The following HSD17B14 variants were observed in gnomAD, a reference collection of about 807,000 sequenced individuals.
HSD17B14 encodes the protein L-fucose dehydrogenase.
Under a neutral mutation model 32.2 loss-of-function variants are expected in HSD17B14, and 32 were observed. That is an observed-to-expected ratio of 0.99 (90% CI 0.75 to 1.33). The LOEUF is 1.33. Ranked by LOEUF, HSD17B14 falls within the 40% of genes most tolerant of loss-of-function variation. The probability of loss-of-function intolerance (pLI) is 0.00; values close to 1 mark genes in which losing one functional copy is unlikely to be tolerated. For missense variants in HSD17B14, 370 were observed against 366.5 expected (o/e 1.01, Z -0.08); for synonymous variants, 140 against 155.4 (o/e 0.90, Z 0.74).
At chr19:48,825,468 T>G (rs1244024316) in intron 5 of HSD17B14, among the ~76,000 whole-genome samples, 2 of 151,868 alleles carry the variant, frequency 1.3e-5, no homozygotes, top group African/African-American at 4.8e-5. Flanking sequence ...CCACCCTATC[T>G]GGCTAATTTT....
At chr19:48,833,379 G>A (rs2035381058) in intron 3 of HSD17B14, among the ~76,000 whole-genome samples, 1 of 152,124 alleles carries the variant, frequency 6.6e-6, no homozygotes, top group South Asian at 2.1e-4. Context: ...TAGGAACCCA[G>A]AAATAATGGA....
Position 48,813,076 on chromosome 19 carries a change from GGGCTT to G in HSD17B14, c.*94_*98del. On this transcript the variant is annotated 3_prime_UTR_variant, in exon 9 of 9. Coordinates refer to ENST00000263278, the MANE Select transcript of HSD17B14 (RefSeq NM_016246.3). Reference sequence around the variant, plus strand: ...AGGGTGACCCGGCACCTTGCTAACTGGGCTTAGAGTCTAAGGGCTTGGGGGCTGCA... The same window carrying G: ...AGGGTGACCCGGCACCTTGCTAACTGAGAGTCTAAGGGCTTGGGGGCTGCA... 1 of 714,716 alleles carries G rather than the reference GGGCTT, an allele frequency of 1.4e-6. No homozygotes were observed. The highest frequency in any genetic ancestry group is 2.7e-5 in the East Asian group (1 of 36,700). 44.3% of individuals were successfully genotyped at this position (714,716 alleles called of 1,614,324 possible).
intron 5 of HSD17B14, among the ~76,000 whole-genome samples, chr19:48,827,784 C>A (rs895936436): frequency 1.3e-5 from 2 of 151,636 alleles, no homozygotes; most frequent in African/African-American, 4.8e-5. Flanking sequence ...GTGATCCACC[C>A]GCCTTGGCAT....
chr19:48,821,235 G>A (rs982975221), intron 5 of HSD17B14, among the ~76,000 whole-genome samples: 7 of 151,708 alleles, frequency 4.6e-5, no homozygotes, highest in Middle Eastern at 3.2e-3. Context: ...GGATGGTCTC[G>A]ATCTCCCGAC....
At chr19:48,826,542 T>TATATATATATATATATATATACACAC in intron 5 of HSD17B14, among the ~76,000 whole-genome samples, 11 of 80,120 alleles carry the variant, frequency 1.4e-4, no homozygotes, top group Non-Finnish European at 1.4e-4. Flanking sequence ...TATATATATA[T>TATATATATATATATATATATACACAC]ACACACACAC....
chr19:48,836,215 A>C (rs752655994), intron 1 of HSD17B14, 109 bp downstream of exon 1: 14 of 1,155,912 alleles, frequency 1.2e-5, no homozygotes, highest in Non-Finnish European at 1.8e-5. Context: ...CTTTTATAAT[A>C]TCAGAATCCT....
In HSD17B14 at chr19:48,813,256, G is replaced by A. The variant is rs145732247; in HGVS notation, c.732C>T (p.Leu244=). 3.5e-5 allele frequency: 56 copies of A among 1,608,414 alleles called. No homozygotes were observed. In the African/African-American group the frequency reaches 5.5e-4, roughly 16 times the overall value. ...ACCCCAGCTCTGCACCCCCCGTCAC[G>A]AGCAGTTCAATGCCCGTGCAGAAGT... The part of the protein sequence containing the change: ...EANFCTGIEL[L]VTGGAELGYG... The change falls in exon 9 of 9, where the codon CTC becomes CTT. Residue 244 remains leucine, a synonymous_variant. Coordinates refer to ENST00000263278, the MANE Select transcript of HSD17B14 (RefSeq NM_016246.3).
intron 7 of HSD17B14, 46 bp downstream of exon 7, chr19:48,813,617 A>ACCCCAGTCC: frequency 6.2e-7 from 1 of 1,612,458 alleles, no homozygotes; most frequent in Non-Finnish European, 8.5e-7. Flanking sequence ...ACTCCCAGTC[A>ACCCCAGTCC]CCCCAGTCCC....
At chr19:48,835,528 G>A (rs896956594) in intron 2 of HSD17B14, among the ~76,000 whole-genome samples, 7 of 147,692 alleles carry the variant, frequency 4.7e-5, no homozygotes, top group Non-Finnish European at 1.0e-4. Context: ...TGGGGACTTG[G>A]ATTCCTGGGT....
In HSD17B14 at chr19:48,836,355, G is replaced by C; in HGVS notation, c.57C>G (p.Arg19=). The change falls in exon 1 of 9, where the codon CGC becomes CGG. Residue 19 remains arginine, a synonymous_variant. Coordinates refer to ENST00000263278, the MANE Select transcript of HSD17B14 (RefSeq NM_016246.3). ...GKVVVVTGGG[R]GIGAGIVRAF... ...CGCGCACGATCCCAGCTCCGATGCC[G>C]CGCCCGCCCCCGGTCACGACCACCA... The C allele has an allele frequency of 6.2e-7, 1 of 1,612,688 alleles. No individual in the cohort carries two copies.
intron 5 of HSD17B14, among the ~76,000 whole-genome samples, chr19:48,821,681 GTGA>G (rs143681175): frequency 0.22 from 33,792 of 151,618 alleles, 3,808 homozygotes; most frequent in Admixed American, 0.26. Context: ...GATGATGATG[GTGA>G]TGATGATAAT....
At chr19:48,831,042 C>T (rs1379807684) in intron 5 of HSD17B14, among the ~76,000 whole-genome samples, 2 of 151,840 alleles carry the variant, frequency 1.3e-5, no homozygotes, top group Non-Finnish European at 2.9e-5. Flanking sequence ...CGCTGTATTG[C>T]CCCAGCTGTC....
chr19:48,816,819 C>CTTTCTTTCTT (rs1555775912), intron 5 of HSD17B14, among the ~76,000 whole-genome samples: 1 of 86,918 alleles, frequency 1.2e-5, no homozygotes, highest in African/African-American at 4.8e-5. Context: ...TTCTTTCTTT[C>CTTTCTTTCTT]TTTCTTTTCT....
At chr19:48,813,757 G>T (rs545979572) in intron 6 of HSD17B14, 27 bp from the exon 7 acceptor site, 2 of 1,613,572 alleles carry the variant, frequency 1.2e-6, no homozygotes, top group African/African-American at 1.3e-5. Flanking sequence ...GGGGAAGAAA[G>T]TTCAGTCCCC....
chr19:48,813,670 C>G lies in HSD17B14; in HGVS notation c.535G>C (p.Val179Leu). 6.2e-7 allele frequency: 1 copy of G among 1,614,212 alleles called. No homozygotes were observed. The highest frequency in any genetic ancestry group is 8.5e-7 in the Non-Finnish European group (1 of 1,180,032). The change falls in exon 7 of 9, where the codon GTC (valine) becomes CTC (leucine). Residue 179 changes from valine (V) to leucine (L), a missense_variant. Val to Leu is a conservative substitution (Grantham distance 32, BLOSUM62 1). Coordinates refer to ENST00000263278, the MANE Select transcript of HSD17B14 (RefSeq NM_016246.3). ...ALDESPYGVR[V>L]NCISPGNIWT... ...CTGCTCAGAGCAGCTCACCAGTTGA[C>G]TCGGACACCATATGGACTTTCATCC...
At chr19:48,833,281 A>AG (rs1301603494) in intron 3 of HSD17B14, among the ~76,000 whole-genome samples, 2 of 151,538 alleles carry the variant, frequency 1.3e-5, no homozygotes, top group Non-Finnish European at 2.9e-5. Flanking sequence ...GGGGTGGGGC[A>AG]GGGGGGTGAC....
At chr19:48,821,134 T>A (rs1599831056) in intron 5 of HSD17B14, among the ~76,000 whole-genome samples, 1 of 151,470 alleles carries the variant, frequency 6.6e-6, no homozygotes, top group South Asian at 2.1e-4. Context: ...CATCTCAGCC[T>A]CCTGAGTAGG....
intron 2 of HSD17B14, among the ~76,000 whole-genome samples, chr19:48,835,373 GA>G (rs2035470442): frequency 1.6e-5 from 2 of 122,778 alleles, no homozygotes; most frequent in East Asian, 3.0e-4. Context: ...AGGAGGGGCT[GA>G]GGTCTGGACT....
chr19:48,822,305 G>C (rs1171620035), intron 5 of HSD17B14, among the ~76,000 whole-genome samples: 1 of 149,996 alleles, frequency 6.7e-6, no homozygotes, highest in African/African-American at 2.5e-5. Context: ...GGTGGTGATG[G>C]TGATGATTGT....
Sources: allele counts gnomAD v4.1 joint callset (sites outside exome capture counted in the v4.1 genomes callset), GRCh38; gene constraint gnomAD v4.1.1; transcripts MANE v1.5; gene names NCBI Gene and HGNC (gene_info 2026-07-23, HGNC 2026-07-21).